HMCN2: variants seen among roughly 807,000 people sequenced by gnomAD.
HMCN2 encodes hemicentin-2.
In HMCN2, 325 loss-of-function variants were observed where a neutral mutation model predicts 377.5. The observed-to-expected ratio is 0.86, with a 90% confidence interval of 0.79 to 0.94. The LOEUF is 0.94. Ranked by LOEUF, HMCN2 falls within the 40% of genes least tolerant of loss-of-function variation. The pLI, the probability that HMCN2 is intolerant of heterozygous loss-of-function variation, is 0.00. For missense variants in HMCN2, 4,543 were observed against 4,725.3 expected, an observed-to-expected ratio of 0.96 and a Z score of 1.13; for synonymous variants, 2,007 against 2,046.8, an observed-to-expected ratio of 0.98 and a Z score of 0.53.
intron 22 of HMCN2, among the ~76,000 whole-genome samples, chr9:130,331,680 G>T (rs1157814332): frequency 1.3e-5 from 2 of 152,216 alleles, no homozygotes; most frequent in Non-Finnish European, 2.9e-5. Flanking sequence ...TGGCCAGAGA[G>T]CATCTCGGGG....
In HMCN2 at chr9:130,423,018, A is replaced by G. The variant is rs929532657; in HGVS notation, c.13381+292A>G. 1.3e-5 allele frequency among the ~76,000 whole-genome samples: 2 copies of G among 152,064 alleles called. No homozygotes were observed. The highest frequency in any genetic ancestry group is 2.9e-5 in the Non-Finnish European group (2 of 68,002). ...GTGTTCTGGGGGTGCGGGCGCTCAG[A>G]TTGTGGTTTCCCAAGCCACCGATGG... is the stretch of plus-strand genomic sequence containing the variant. On this transcript the variant is annotated intron_variant, in intron 87 of 97. Coordinates refer to ENST00000683500, the MANE Select transcript of HMCN2 (RefSeq NM_001291815.2). The surrounding 1 kb of genome is among the most constrained non-coding windows in gnomAD (Gnocchi z 5.5).
chr9:130,318,579 AAGCT>A (rs1251861774), intron 15 of HMCN2, among the ~76,000 whole-genome samples: 1 of 152,170 alleles, frequency 6.6e-6, no homozygotes, highest in Non-Finnish European at 1.5e-5. Flanking sequence ...GAAACACTGC[AAGCT>A]ATTAACAGTG....
chr9:130,429,427 C>A (rs1844598409), intron 93 of HMCN2, 130 bp from the exon 94 acceptor site: 1 of 1,193,154 alleles, frequency 8.4e-7, no homozygotes, highest in African/African-American at 1.5e-5. Context: ...GGCGGCCATG[C>A]AGCCTGGTGG....
rs978868325 is a variant in HMCN2, at chr9:130,354,786, G to A, written c.4888G>A (p.Gly1630Ser). The change falls in exon 32 of 98, where the codon GGT becomes AGT. Residue 1630 changes from glycine (G) to serine (S), a missense_variant. Gly to Ser is a moderately conservative substitution (Grantham distance 56). This residue lies in a region of HMCN2 where 1,032 missense variants were observed against 1,285.1 expected (regional missense o/e 0.80). Transcript: ENST00000683500. ...AGTCCCACCTACCATCGAGGGCGCCGGTGGAAGACCATACGTGGTGAAGGC... is the reference window on the plus strand; with the variant it reads ...AGTCCCACCTACCATCGAGGGCGCCAGTGGAAGACCATACGTGGTGAAGGC... ...VYVPPTIEGA[G>S]GRPYVVKAVA... is the part of the protein sequence containing the mutation. 1.1e-5 allele frequency: 14 copies of A among 1,302,588 alleles called. No homozygotes were observed. Among genetic ancestry groups the A allele is most frequent in the East Asian group, 1.1e-4 (2 of 18,006 alleles). 80.7% of individuals were successfully genotyped at this position (1,302,588 alleles called of 1,614,324 possible). A position where few individuals can be genotyped will look rare whatever the true frequency, so the allele number is the denominator to read the frequency against.
intron 4 of HMCN2, among the ~76,000 whole-genome samples, chr9:130,289,212 C>A (rs913643554): frequency 6.6e-6 from 1 of 152,208 alleles, no homozygotes; most frequent in Non-Finnish European, 1.5e-5. Flanking sequence ...CGTTCCAGCA[C>A]GGCTGGTTCT....
chr9:130,399,459 G>A, intron 75 of HMCN2, 52 bp from the exon 76 acceptor site: 1 of 1,225,520 alleles, frequency 8.2e-7, no homozygotes, highest in Non-Finnish European at 1.1e-6. Flanking sequence ...GAAAGCCACA[G>A]CTGGTCTCTG....
At chr9:130,354,669 G>A in intron 31 of HMCN2, 94 bp from the exon 32 acceptor site, 1 of 1,071,182 alleles carries the variant, frequency 9.3e-7, no homozygotes. Flanking sequence ...ATGGAGTGGG[G>A]TCGGTGAGGG....
Position 130,409,048 on chromosome 9 carries a change from C to T in HMCN2, c.12879+115C>T. 8.2e-6 allele frequency: 5 copies of T among 610,496 alleles called. No homozygotes were observed. The South Asian group carries it at 9.8e-5, about 12-fold the overall frequency. The allele number at this position is 610,496 out of a possible 1,614,324, so 37.8% of individuals were successfully genotyped here. A position where few individuals can be genotyped will look rare whatever the true frequency, so the allele number is the denominator to read the frequency against. On this transcript the variant is annotated intron_variant, in intron 84 of 97. Transcript: ENST00000683500. ...CTCTGCTTCTGCAGTGTACAAAGCA[C>T]CTCCCTGCCCATTCCTCAGATATCC...
At chr9:130,381,301 A>G (rs1186176335) in intron 54 of HMCN2, among the ~76,000 whole-genome samples, 1 of 152,010 alleles carries the variant, frequency 6.6e-6, no homozygotes, top group Non-Finnish European at 1.5e-5. Context: ...CTGAGCACAC[A>G]GTAACCCTAA....
At chr9:130,416,315 G>A (rs767724857) in intron 85 of HMCN2, among the ~76,000 whole-genome samples, 55 of 152,100 alleles carry the variant, frequency 3.6e-4, no homozygotes, top group Non-Finnish European at 1.0e-4. Context: ...ATGTTGGCCC[G>A]GCTGGTCTCA....
chr9:130,424,611 T>G (rs1161035197), intron 87 of HMCN2, among the ~76,000 whole-genome samples, 165 bp from the exon 88 acceptor site: 2 of 152,196 alleles, frequency 1.3e-5, no homozygotes, highest in Admixed American at 1.3e-4. Context: ...AGATCCCTGA[T>G]TCTGGTTAAA....
At chr9:130,320,606 T>A (rs1329604272) in intron 17 of HMCN2, among the ~76,000 whole-genome samples, 155 bp downstream of exon 17, 1 of 152,204 alleles carries the variant, frequency 6.6e-6, no homozygotes, top group African/African-American at 2.4e-5. Context: ...GAGCAGCACC[T>A]GTGCCCCTGC....
At chr9:130,401,071 TG>T in intron 77 of HMCN2, 124 bp downstream of exon 77, 1 of 856,286 alleles carries the variant, frequency 1.2e-6, no homozygotes, top group Non-Finnish European at 1.6e-6. Context: ...CTCTCCTGGC[TG>T]TGTGACCTGG....
chr9:130,397,102 G>A (rs1248641139), intron 73 of HMCN2, among the ~76,000 whole-genome samples: 1 of 152,184 alleles, frequency 6.6e-6, no homozygotes, highest in Non-Finnish European at 1.5e-5. Context: ...CCTGAGACTG[G>A]GCAATTTACA....
chr9:130,323,764 A>G (rs1046118084), intron 19 of HMCN2, among the ~76,000 whole-genome samples: 1 of 151,664 alleles, frequency 6.6e-6, no homozygotes, highest in African/African-American at 2.4e-5. Flanking sequence ...GTGCAGTGGC[A>G]TGATCTTGGC....
At chr9:130,427,692 G>A (rs1374306935) in intron 92 of HMCN2, 73 bp downstream of exon 92, 3 of 1,473,784 alleles carry the variant, frequency 2.0e-6, no homozygotes, top group East Asian at 2.5e-5. Flanking sequence ...AGGGTCCCCA[G>A]GGCCAGGACC....
chr9:130,290,590 C>T (rs370699624), intron 4 of HMCN2, among the ~76,000 whole-genome samples: 13 of 152,292 alleles, frequency 8.5e-5, no homozygotes, highest in African/African-American at 3.1e-4. Context: ...CTCACATGTT[C>T]GGCGGGCTTC....
At chr9:130,397,449 G>A (rs1842660956) in intron 73 of HMCN2, 79 bp from the exon 74 acceptor site, 2 of 1,227,350 alleles carry the variant, frequency 1.6e-6, no homozygotes, top group African/African-American at 1.5e-5. Context: ...GGGGGCAGAG[G>A]GAAGGGTCTT....
intron 19 of HMCN2, among the ~76,000 whole-genome samples, chr9:130,322,370 C>A (rs1331346754): frequency 1.3e-5 from 2 of 152,056 alleles, no homozygotes; most frequent in Non-Finnish European, 2.9e-5. Flanking sequence ...ATCCATCTGT[C>A]TATCTATCTA....
Sources: allele counts gnomAD v4.1 joint callset (sites outside exome capture counted in the v4.1 genomes callset), GRCh38; gene constraint gnomAD v4.1.1; regional missense constraint gnomAD v4.1.1; non-coding constraint Gnocchi (gnomAD v3.1); transcripts MANE v1.5; gene names NCBI Gene and HGNC (gene_info 2026-07-23, HGNC 2026-07-21).